The following RIF1 variants were observed in gnomAD, a reference collection of about 807,000 sequenced individuals.
The protein encoded by RIF1 is replication timing regulatory factor 1.
Under a neutral mutation model 247.1 loss-of-function variants are expected in RIF1, and 45 were observed. The ratio of observed to expected loss-of-function variants is 0.18; its 90% CI spans 0.14 to 0.23. The LOEUF (loss-of-function observed/expected upper bound fraction) is 0.23, where lower values mean the gene tolerates loss of function less well. Among genes scored for constraint, RIF1 ranks in the 10% least tolerant of loss-of-function variants. RIF1 has a pLI of 1.00. For missense variants in RIF1, 2,967 were observed against 2,862.5 expected (o/e 1.04, Z -0.83); for synonymous variants, 1,087 against 978.8 (o/e 1.11, Z -2.06).
intron 11 of RIF1, among the ~76,000 whole-genome samples, chr2:151,501,830 AAG>A (rs202003762): frequency 0.017 from 2,627 of 152,266 alleles, 29 homozygotes; most frequent in Middle Eastern, 0.027. Flanking sequence ...GAACCAAAGA[AAG>A]AGGAGAGAGA....
At chr2:151,518,552 G>A in the RIF1 span, 1 of 670,848 alleles carries the variant, frequency 1.5e-6, no homozygotes, top group South Asian at 2.0e-5. Flanking sequence ...ACACTAAACA[G>A]GAGGTTAAGA....
chr2:151,496,893 T>C, intron 10 of RIF1: 1 of 1,474,546 alleles, frequency 6.8e-7, no homozygotes, highest in Non-Finnish European at 9.3e-7. Flanking sequence ...AATCATGAAA[T>C]AGTTTTTAAA....
chr2:151,440,249 T>C (rs1692039606), intron 15 of RIF1, 122 bp downstream of exon 15: 1 of 644,586 alleles, frequency 1.6e-6, no homozygotes, highest in African/African-American at 1.9e-5. Context: ...TCATCAGCAG[T>C]TTAGTCCTAT....
the RIF1 span, chr2:151,524,654 C>CTTTTTTT: frequency 2.4e-4 from 62 of 257,378 alleles, 4 homozygotes; most frequent in South Asian, 7.7e-4. Context: ...AAGAGAGAGG[C>CTTTTTTT]TTTTTTTTTT....
intron 9 of RIF1, chr2:151,492,589 G>C (rs1360938481): frequency 1.1e-6 from 1 of 884,156 alleles, no homozygotes; most frequent in African/African-American, 1.7e-5. Flanking sequence ...GCTGGTGAGG[G>C]ACGCTTGGGT....
intron 10 of RIF1, among the ~76,000 whole-genome samples, chr2:151,496,688 G>A (rs534378316): frequency 2.0e-5 from 3 of 152,090 alleles, no homozygotes; most frequent in Middle Eastern, 3.4e-3. Flanking sequence ...ACTCAGTGTT[G>A]TTATCCACAC....
intron 27 of RIF1, among the ~76,000 whole-genome samples, chr2:151,461,866 C>T (rs777817141): frequency 5.9e-5 from 9 of 151,660 alleles, no homozygotes; most frequent in African/African-American, 1.5e-4. Flanking sequence ...ATTTTCGTTT[C>T]TTTTTATGTT....
chr2:151,445,187 G>A (rs1356247876), intron 18 of RIF1, 151 bp from the exon 19 acceptor site: 3 of 623,452 alleles, frequency 4.8e-6, no homozygotes, highest in Non-Finnish European at 8.6e-6. Context: ...AAGACTACAT[G>A]CGTAGGTTCG....
Position 151,420,298 on chromosome 2 carries a change from A to C in RIF1, c.612A>C (p.Ala204=). 6.2e-7 allele frequency: 1 copy of C among 1,614,192 alleles called. No homozygotes were observed. ...CACAAAAGGTACATTTGCGGGGAGC[A>C]ACTGCTCTGGAGATGGGAATGCCAT... The part of the protein sequence containing the change: ...HSAQKVHLRG[A]TALEMGMPLL... Residue 204 remains alanine (A), a synonymous_variant, in exon 7 of 36, where the codon GCA becomes GCC. Coordinates refer to ENST00000444746, the MANE Select transcript of RIF1 (RefSeq NM_018151.5).
chr2:151,432,008 T>C (rs756041411), intron 9 of RIF1, among the ~76,000 whole-genome samples: 7 of 152,178 alleles, frequency 4.6e-5, no homozygotes, highest in Non-Finnish European at 1.0e-4. Context: ...TTTCAAGTTA[T>C]TTATTTATTT....
intron 15 of RIF1, among the ~76,000 whole-genome samples, chr2:151,440,705 C>T (rs1692132980): frequency 6.6e-6 from 1 of 152,262 alleles, no homozygotes; most frequent in South Asian, 2.1e-4. Flanking sequence ...TGGTTAATAG[C>T]AAGGGCTCTG....
At chr2:151,491,761 G>T (rs757107530) in intron 9 of RIF1, 1 of 1,589,038 alleles carries the variant, frequency 6.3e-7, no homozygotes, top group Non-Finnish European at 8.6e-7. Context: ...GGATTAGTAC[G>T]CCAGACACGT....
chr2:151,471,628 T>A, intron 34 of RIF1, among the ~76,000 whole-genome samples: 1 of 152,204 alleles, frequency 6.6e-6, no homozygotes, highest in Non-Finnish European at 1.5e-5. Context: ...AAATAGGGAA[T>A]CCTTTCCCCA....
chr2:151,458,406 G>T (rs573746845), intron 24 of RIF1, among the ~76,000 whole-genome samples: 50 of 151,656 alleles, frequency 3.3e-4, no homozygotes, highest in Non-Finnish European at 6.9e-4. Flanking sequence ...CTAATTTTTT[G>T]TATTTTTAGT....
chr2:151,411,616 G>T (rs1314347473), intron 3 of RIF1, among the ~76,000 whole-genome samples: 1 of 152,082 alleles, frequency 6.6e-6, no homozygotes, highest in Non-Finnish European at 1.5e-5. Flanking sequence ...GGTCAGGCTG[G>T]TCTCGAACTC....
chr2:151,470,457 T>C (rs1252859618), intron 34 of RIF1, among the ~76,000 whole-genome samples: 5 of 152,154 alleles, frequency 3.3e-5, no homozygotes, highest in African/African-American at 7.2e-5. Flanking sequence ...ATTTCGATTT[T>C]GAGATATTTG....
intron 34 of RIF1, among the ~76,000 whole-genome samples, chr2:151,473,460 T>C (rs1429371700): frequency 6.6e-6 from 1 of 151,894 alleles, no homozygotes; most frequent in East Asian, 1.9e-4. Flanking sequence ...TTTGTGTTTT[T>C]TGTAGAAGGG....
chr2:151,523,810 T>C, the RIF1 span, among the ~76,000 whole-genome samples: 4 of 152,194 alleles, frequency 2.6e-5, no homozygotes, highest in African/African-American at 9.7e-5. Context: ...TTTAATGATT[T>C]ATCCATGGAC....
intron 11 of RIF1, chr2:151,502,786 G>C: frequency 6.5e-7 from 1 of 1,540,714 alleles, no homozygotes; most frequent in Non-Finnish European, 8.9e-7. Flanking sequence ...GGCCCCCTAA[G>C]AAATACCGAG....
Sources: gnomAD v4.1 joint callset for allele counts (sites outside exome capture counted in the v4.1 genomes callset) on GRCh38, gnomAD v4.1.1 for gene constraint, MANE v1.5 for transcripts, NCBI Gene and HGNC (gene_info 2026-07-23, HGNC 2026-07-21) for gene names.